ENOSF1: variants seen among roughly 807,000 people sequenced by gnomAD.
ENOSF1 encodes enolase superfamily member 1, also known as mitochondrial enolase superfamily member 1.
A neutral mutation model predicts 68.2 loss-of-function variants in ENOSF1; 73 were observed. The observed-to-expected ratio is 1.07, with a 90% CI of 0.89 to 1.30. The LOEUF is 1.30. ENOSF1 is among the 50% of genes most tolerant of loss of function. ENOSF1 has a pLI of 0.00. For synonymous variants in ENOSF1, 223 were observed against 210.4 expected, an observed-to-expected ratio of 1.06 and a Z score of -0.52; for missense variants, 589 against 554.5, an observed-to-expected ratio of 1.06 and a Z score of -0.62.
chr18:695,098 C>T (rs1417936260), intron 3 of ENOSF1, among the ~76,000 whole-genome samples: 2 of 152,168 alleles, frequency 1.3e-5, no homozygotes, highest in Non-Finnish European at 2.9e-5. Flanking sequence ...TTACCCTAAT[C>T]CATATCCCAT....
chr18:700,916 A>C (rs2741168), intron 2 of ENOSF1, among the ~76,000 whole-genome samples: 2 of 138,208 alleles, frequency 1.4e-5, no homozygotes, highest in Non-Finnish European at 1.5e-5. Context: ...AAAAAAAAAC[A>C]AGAGAAATTT....
chr18:697,015 G>A (rs1317148307), intron 3 of ENOSF1, among the ~76,000 whole-genome samples: 2 of 152,160 alleles, frequency 1.3e-5, no homozygotes, highest in Admixed American at 6.5e-5. Flanking sequence ...TACTCAGGAG[G>A]CTGAAGCAGG....
At chr18:703,949 C>T (rs1338687420) in intron 2 of ENOSF1, among the ~76,000 whole-genome samples, 1 of 152,154 alleles carries the variant, frequency 6.6e-6, no homozygotes, top group Non-Finnish European at 1.5e-5. Context: ...CATTCCCTTT[C>T]TCTTGATCCT....
downstream of ENOSF1, chr18:669,356 G>T: frequency 2.1e-6 from 1 of 481,330 alleles, no homozygotes; most frequent in Non-Finnish European, 3.7e-6. Context: ...CATGAGGTTG[G>T]GCCCAGAGGA....
At chr18:691,007 G>A (rs1425731829) in intron 7 of ENOSF1, 61 bp downstream of exon 7, 1 of 1,565,962 alleles carries the variant, frequency 6.4e-7, no homozygotes, top group East Asian at 2.2e-5. Context: ...CAAAAGGACA[G>A]GGGCACTCAA....
chr18:700,654 G>GCGCC (rs1474840077), intron 2 of ENOSF1, among the ~76,000 whole-genome samples: 1 of 152,106 alleles, frequency 6.6e-6, no homozygotes, highest in Non-Finnish European at 1.5e-5. Flanking sequence ...GGAGGCTGAG[G>GCGCC]CGGGCGGATC....
chr18:702,849 A>C (rs1401715768), intron 2 of ENOSF1, among the ~76,000 whole-genome samples: 2 of 152,186 alleles, frequency 1.3e-5, no homozygotes, highest in Non-Finnish European at 2.9e-5. Context: ...CCAACCAAAA[A>C]CTACATTGGT....
intron 10 of ENOSF1, among the ~76,000 whole-genome samples, chr18:683,942 CAT>C (rs2076360172): frequency 6.6e-6 from 1 of 151,792 alleles, no homozygotes; most frequent in African/African-American, 2.4e-5. Context: ...CATGGTGGCT[CAT>C]GCCTGTAATC....
chr18:706,099 C>G (rs1275669040), intron 2 of ENOSF1, among the ~76,000 whole-genome samples: 1 of 152,060 alleles, frequency 6.6e-6, no homozygotes, highest in African/African-American at 2.4e-5. Context: ...CATGTCTCCT[C>G]CCTCTCATTG....
Position 677,405 on chromosome 18 carries a change from T to A in ENOSF1, c.1088A>T (p.Glu363Val). The change falls in exon 14 of 16, where the codon GAA (glutamate) becomes GTA (valine). Residue 363 changes from glutamate (E) to valine (V), a missense_variant. By Grantham distance (121) the Glu-to-Val change is moderately radical. Coordinates refer to ENST00000647584, the MANE Select transcript of ENOSF1 (RefSeq NM_017512.7). ...CPHAGGVGLC[E>V]LVQHLIIFDY... is the part of the protein sequence containing the mutation. ...AAATATAATCAGGTGCTGCACCAGT[T>A]CACAGAGGCCAACTCCACCAGCATG... 1 of 1,613,774 alleles carries A rather than the reference T, an allele frequency of 6.2e-7. No individual in the cohort carries two copies. Among genetic ancestry groups the A allele is most frequent in the Non-Finnish European group, 8.5e-7 (1 of 1,179,960 alleles).
At chr18:703,452 T>G (rs112182517) in intron 2 of ENOSF1, among the ~76,000 whole-genome samples, 3 of 152,164 alleles carry the variant, frequency 2.0e-5, no homozygotes, top group African/African-American at 2.4e-5. Context: ...GTTTGCAGTA[T>G]GGAGAAAGGC....
At chr18:681,084 A>G (rs749426095) in intron 11 of ENOSF1, among the ~76,000 whole-genome samples, 3 of 152,026 alleles carry the variant, frequency 2.0e-5, no homozygotes, top group African/African-American at 4.8e-5. Context: ...CTGGTCTCAA[A>G]CTCCTGACCT....
At chr18:668,962 G>T, downstream of ENOSF1, 2 of 835,820 alleles carry the variant, frequency 2.4e-6, no homozygotes, top group Non-Finnish European at 3.7e-6. Context: ...TGTAGCCATG[G>T]GTCAAGGGGG....
At chr18:698,816 T>A (rs1291407550) in intron 2 of ENOSF1, among the ~76,000 whole-genome samples, 1 of 151,994 alleles carries the variant, frequency 6.6e-6, no homozygotes, top group African/African-American at 2.4e-5. Flanking sequence ...GAGACAGGGT[T>A]TCACCATGCT....
chr18:710,271 G>A (rs921127103), intron 1 of ENOSF1, among the ~76,000 whole-genome samples: 1 of 152,160 alleles, frequency 6.6e-6, no homozygotes, highest in African/African-American at 2.4e-5. Flanking sequence ...ACTACGCCCA[G>A]CTAATTTTTG....
intron 14 of ENOSF1, 45 bp from the exon 15 acceptor site, chr18:675,447 A>G (rs777845324): frequency 1.3e-6 from 2 of 1,517,314 alleles, no homozygotes; most frequent in African/African-American, 1.4e-5. Flanking sequence ...CTGAAGTCAG[A>G]TTATTCACGT....
downstream of ENOSF1, chr18:668,948 G>A (rs2144334238): frequency 5.8e-6 from 4 of 693,316 alleles, no homozygotes. Flanking sequence ...TGCACCAGAT[G>A]TCTTGTAGCC....
intron 2 of ENOSF1, 99 bp from the exon 3 acceptor site, chr18:697,454 A>T (rs931127207): frequency 9.8e-7 from 1 of 1,021,720 alleles, no homozygotes; most frequent in African/African-American, 1.6e-5. Context: ...AAGTTTTATG[A>T]AAAAATTAAA....
chr18:677,961 A>T, intron 12 of ENOSF1, 89 bp from the exon 13 acceptor site: 1 of 1,458,062 alleles, frequency 6.9e-7, no homozygotes, highest in Non-Finnish European at 9.2e-7. Context: ...ACTCTATGCC[A>T]ATAATTATTC....
Sources: allele counts gnomAD v4.1 joint callset (sites outside exome capture counted in the v4.1 genomes callset), GRCh38; gene constraint gnomAD v4.1.1; transcripts MANE v1.5; gene names NCBI Gene and HGNC (gene_info 2026-07-23, HGNC 2026-07-21).